NXN: variants seen among roughly 807,000 people sequenced by gnomAD.
NXN encodes the protein nucleoredoxin 1.
Under a neutral mutation model 48.6 loss-of-function variants are expected in NXN, and 16 were observed. That is an observed-to-expected ratio of 0.33 (90% CI 0.22 to 0.50). NXN has a LOEUF of 0.50. Among genes scored for constraint, NXN ranks in the 20% least tolerant of loss-of-function variants. The pLI, the probability that NXN is intolerant of heterozygous loss-of-function variation, is 0.98. For missense variants in NXN, 492 were observed against 605.5 expected (o/e 0.81, Z 1.97); for synonymous variants, 281 against 269.6 (o/e 1.04, Z -0.41).
intron 1 of NXN, among the ~76,000 whole-genome samples, chr17:880,990 C>T (rs2068277736): frequency 6.6e-6 from 1 of 152,168 alleles, no homozygotes; most frequent in Admixed American, 6.5e-5. Flanking sequence ...CCTGCCCCAT[C>T]TACGGCAGGT....
chr17:928,634 G>A (rs1455949220), intron 1 of NXN, among the ~76,000 whole-genome samples: 1 of 152,182 alleles, frequency 6.6e-6, no homozygotes, highest in African/African-American at 2.4e-5. Flanking sequence ...TCAGGAGTTT[G>A]AGACCAGCCT....
rs1567810362 is a variant in NXN at position 809,885 on chromosome 17, T to TGAGCGGCGGGC, written c.821-4639_821-4638insGCCCGCCGCTC. Among the ~76,000 whole-genome samples the TGAGCGGCGGGC allele has an allele frequency of 4.7e-3, 558 of 118,054 alleles. 54 individuals are homozygous for TGAGCGGCGGGC. Among genetic ancestry groups the TGAGCGGCGGGC allele is most frequent in the East Asian group, 8.6e-3 (30 of 3,470 alleles). The allele number at this position is 118,054 out of a possible 152,430, so 77.4% of individuals were successfully genotyped here. On this transcript the variant is annotated intron_variant, in intron 5 of 7. Coordinates refer to ENST00000336868, the MANE Select transcript of NXN (RefSeq NM_022463.5). The stretch of plus-strand genomic sequence containing the variant: ...CTTACGAGTCAGTGTGAGTGGCGTG[T>TGAGCGGCGGGC]ACGTTAAGAGTCCCTGTGAGTGCCG...
At position 920,344 on chromosome 17, in the gene NXN, T is replaced by C. The variant is rs186692716; in HGVS notation, c.360+58975A>G. 4.7e-3 allele frequency among the ~76,000 whole-genome samples: 713 copies of C among 152,228 alleles called. 5 individuals carry two copies. Among genetic ancestry groups the C allele is most frequent in the Non-Finnish European group, 7.9e-3 (539 of 68,006 alleles). ...AATTCAGCCAAGGGGGCCGATGAGG[T>C]GCCCATGTGGCTCTCCTCCCAGCCC... is the stretch of plus-strand genomic sequence containing the variant. On this transcript the variant is annotated intron_variant, in intron 1 of 7. Coordinates refer to ENST00000336868, the MANE Select transcript of NXN (RefSeq NM_022463.5). The surrounding 1 kb of genome is among the most constrained non-coding windows in gnomAD (Gnocchi z 4.6).
intron 1 of NXN, among the ~76,000 whole-genome samples, chr17:921,701 G>A (rs1328185997): frequency 5.3e-5 from 7 of 133,320 alleles, no homozygotes; most frequent in South Asian, 2.5e-4. Flanking sequence ...GACAACACCT[G>A]GCCGGCCCAG....
chr17:853,698 T>TACAC (rs1421882050), intron 1 of NXN, among the ~76,000 whole-genome samples: 47 of 128,412 alleles, frequency 3.7e-4, no homozygotes, highest in African/African-American at 1.6e-3. Context: ...ATTTCTGTTA[T>TACAC]ACACATATAT....
At chr17:843,056 G>GAAAGAAAGCAAGCAAGC (rs113972004) in intron 1 of NXN, among the ~76,000 whole-genome samples, 1 of 107,220 alleles carries the variant, frequency 9.3e-6, no homozygotes, top group African/African-American at 3.9e-5. Context: ...AAGAAAGAAA[G>GAAAGAAAGCAAGCAAGC]AAGGAAGAAA....
intron 1 of NXN, among the ~76,000 whole-genome samples, chr17:896,407 A>C (rs1026724029): frequency 1.3e-4 from 19 of 151,162 alleles, no homozygotes; most frequent in African/African-American, 4.1e-4. Context: ...ACTACTCGGG[A>C]GGCTGAGGTG....
chr17:857,588 T>G (rs2067999396), intron 1 of NXN, among the ~76,000 whole-genome samples: 1 of 152,180 alleles, frequency 6.6e-6, no homozygotes, highest in Non-Finnish European at 1.5e-5. Flanking sequence ...AAGCTGAAGT[T>G]AAGGATTTGT....
chr17:830,965 A>C lies in NXN; in HGVS notation c.361-4887T>G, dbSNP rs1913423311. Reference sequence around the variant, plus strand: ...CTGTGAGCCGAGACTGAGCTATTGCACTCCAGCCTGGGCAACAAGAGCGAA... The same window carrying C: ...CTGTGAGCCGAGACTGAGCTATTGCCCTCCAGCCTGGGCAACAAGAGCGAA... On this transcript the variant is annotated intron_variant, in intron 1 of 7. Transcript: ENST00000336868. The surrounding 1 kb of genome is among the most constrained non-coding windows in gnomAD (Gnocchi z 4.2). Among the ~76,000 whole-genome samples the C allele has an allele frequency of 6.7e-6, 1 of 148,348 alleles. No homozygotes were observed. Among genetic ancestry groups the C allele is most frequent in the Non-Finnish European group, 1.5e-5 (1 of 67,646 alleles).
At chr17:896,829 T>C (rs1309386391) in intron 1 of NXN, 17 of 1,173,372 alleles carry the variant, frequency 1.4e-5, no homozygotes, top group Non-Finnish European at 1.6e-5. Context: ...ATCTCGAAGA[T>C]GCTAAAATGG....
intron 1 of NXN, among the ~76,000 whole-genome samples, chr17:883,810 C>T (rs958374508): frequency 3.3e-5 from 5 of 152,206 alleles, no homozygotes; most frequent in Admixed American, 1.3e-4. Context: ...GCGGTGCTTA[C>T]GCCTGTAATC....
rs770735360 is a variant in NXN at position 825,887 on chromosome 17, G to A, written c.478+74C>T. 16 of 920,902 alleles carry A rather than the reference G, an allele frequency of 1.7e-5. No individual in the cohort carries two copies. The highest frequency in any genetic ancestry group is 2.6e-4 in the Middle Eastern group (1 of 3,838). 57.0% of individuals were successfully genotyped at this position (920,902 alleles called of 1,614,324 possible). A position where few individuals can be genotyped will look rare whatever the true frequency, so the allele number is the denominator to read the frequency against. On this transcript the variant is annotated intron_variant, in intron 2 of 7. Transcript: ENST00000336868. The surrounding 1 kb of genome is among the most constrained non-coding windows in gnomAD (Gnocchi z 4.1). ...CCAGTACTCTCTCCACCGGTGGGAC[G>A]GAGATTAGCCTAAGGGCATGGAGGA...
intron 7 of NXN, 58 bp downstream of exon 7, chr17:803,623 TC>T: frequency 6.2e-7 from 1 of 1,610,392 alleles, no homozygotes; most frequent in Admixed American, 1.7e-5. Flanking sequence ...CCAGGATCAG[TC>T]CTGTGCCAGA....
intron 1 of NXN, among the ~76,000 whole-genome samples, chr17:889,108 G>C (rs2068381342): frequency 6.6e-6 from 1 of 152,178 alleles, no homozygotes; most frequent in Non-Finnish European, 1.5e-5. Context: ...ATTGTGGTCA[G>C]GAAACAGGTT....
chr17:883,696 C>T (rs11650775), intron 1 of NXN, among the ~76,000 whole-genome samples: 57,071 of 152,156 alleles, frequency 0.38, 13,235 homozygotes, highest in East Asian at 0.6. Flanking sequence ...CCATCATATA[C>T]AGAAGCCACG....
chr17:832,486 C>G (rs1358606666), intron 1 of NXN, among the ~76,000 whole-genome samples: 1 of 152,022 alleles, frequency 6.6e-6, no homozygotes, highest in Non-Finnish European at 1.5e-5. Context: ...TGCCCAGCCT[C>G]AGCCAGGAAT....
intron 1 of NXN, among the ~76,000 whole-genome samples, chr17:892,719 T>C (rs111554507): frequency 0.025 from 3,813 of 152,282 alleles, 160 homozygotes; most frequent in African/African-American, 0.087. Flanking sequence ...AATGCCCGCT[T>C]AGTGACAATC....
intron 1 of NXN, among the ~76,000 whole-genome samples, chr17:930,775 T>TG (rs1491139817): frequency 3.0e-5 from 1 of 33,210 alleles, no homozygotes; most frequent in Non-Finnish European, 1.1e-4. Flanking sequence ...TTGAGTTTGC[T>TG]TTTTTTTTTT....
At chr17:942,270 C>T (rs2068985295) in intron 1 of NXN, among the ~76,000 whole-genome samples, 2 of 124,416 alleles carry the variant, frequency 1.6e-5, no homozygotes, top group Non-Finnish European at 3.4e-5. Flanking sequence ...CCTGGATTTA[C>T]AGTGAACAAG....
Sources: allele counts gnomAD v4.1 joint callset (sites outside exome capture counted in the v4.1 genomes callset), GRCh38; gene constraint gnomAD v4.1.1; non-coding constraint Gnocchi (gnomAD v3.1); transcripts MANE v1.5; gene names NCBI Gene and HGNC (gene_info 2026-07-23, HGNC 2026-07-21).